The following TACC2 variants were observed in gnomAD, a reference collection of about 807,000 sequenced individuals.
TACC2 encodes the protein transforming acidic coiled-coil containing protein 2.
In TACC2, 137 loss-of-function variants were observed where a neutral mutation model predicts 227.3. The observed-to-expected ratio is 0.60, with a 90% confidence interval of 0.52 to 0.69. The LOEUF (loss-of-function observed/expected upper bound fraction) is 0.69, where lower values mean the gene tolerates loss of function less well. Ranked by LOEUF, TACC2 falls within the 30% of genes least tolerant of loss-of-function variation. The pLI, the probability that TACC2 is intolerant of heterozygous loss-of-function variation, is 0.00. For synonymous variants in TACC2, 1,523 were observed against 1,487.5 expected (o/e 1.02, Z -0.55); for missense variants, 3,470 against 3,694.4 (o/e 0.94, Z 1.57).
chr10:122,112,251 G>A (rs2083741415), intron 5 of TACC2, among the ~76,000 whole-genome samples: 1 of 152,194 alleles, frequency 6.6e-6, no homozygotes, highest in African/African-American at 2.4e-5. Flanking sequence ...AAGGTGATAT[G>A]CCATGGTGTT....
chr10:122,043,827 G>T (rs755505881), intron 2 of TACC2, among the ~76,000 whole-genome samples: 2 of 152,170 alleles, frequency 1.3e-5, no homozygotes, highest in African/African-American at 4.8e-5. Context: ...TGATCTGCCC[G>T]CCTCGGCCTC....
chr10:122,049,132 G>T (rs1193449714), intron 2 of TACC2, among the ~76,000 whole-genome samples: 1 of 152,208 alleles, frequency 6.6e-6, no homozygotes, highest in Non-Finnish European at 1.5e-5. Context: ...TGCACTCTCA[G>T]TTGCTAGTGA....
chr10:122,009,784 G>C (rs1272620765), intron 1 of TACC2, among the ~76,000 whole-genome samples: 1 of 151,920 alleles, frequency 6.6e-6, no homozygotes, highest in African/African-American at 2.4e-5. Flanking sequence ...AAATTAGCTG[G>C]GCATGGGGGT....
At position 122,100,315 on chromosome 10, in the gene TACC2, C is replaced by G. The variant is rs563636682; in HGVS notation, c.5573+11724C>G. On this transcript the variant is annotated intron_variant, in intron 5 of 22. Coordinates refer to ENST00000369005, the MANE Select transcript of TACC2 (RefSeq NM_206862.4). The stretch of plus-strand genomic sequence containing the variant: ...TGCATTCTGCATTTGGGGACTGTGA[C>G]TGAGTCTAAGAGGAAAGCTGTAACT... Among the ~76,000 whole-genome samples the G allele has an allele frequency of 2.0e-5, 3 of 151,880 alleles. No homozygotes were observed. The East Asian group carries it at 5.8e-4, about 30-fold the overall frequency.
chr10:122,198,728 A>G (rs2094669380), intron 8 of TACC2, among the ~76,000 whole-genome samples: 2 of 152,166 alleles, frequency 1.3e-5, no homozygotes, highest in African/African-American at 4.8e-5. Context: ...GCTCCCTTCC[A>G]TTTGGAACCA....
rs576951800 is a variant in TACC2 at position 121,993,882 on chromosome 10, C to G, written c.-46+4394C>G. On this transcript the variant is annotated intron_variant, in intron 1 of 22. Coordinates refer to ENST00000369005, the MANE Select transcript of TACC2 (RefSeq NM_206862.4). ...CTCCTGAGCTCAAGTGATTTGCCCT[C>G]TTTGGCCTCCCCAAGTGCTGAGATT... Among the ~76,000 whole-genome samples, 5 of 152,328 alleles carry G rather than the reference C, an allele frequency of 3.3e-5. No homozygotes were observed. The East Asian group carries it at 9.7e-4, about 29-fold the overall frequency.
At position 122,219,081 on chromosome 10, in the gene TACC2, T is replaced by C. The variant is rs552528163; in HGVS notation, c.7546+2253T>C. On this transcript the variant is annotated intron_variant, in intron 11 of 22. Transcript: ENST00000369005. ...TCCCCTGACCCCAGAGGCCCTACGATCTGGCCTCAGCCTCCTTTGGATCCT... is the reference window on the plus strand; with the variant it reads ...TCCCCTGACCCCAGAGGCCCTACGACCTGGCCTCAGCCTCCTTTGGATCCT... Among the ~76,000 whole-genome samples, 20 of 148,746 alleles carry C rather than the reference T, an allele frequency of 1.3e-4. No homozygotes were observed. In the East Asian group the frequency reaches 3.4e-3, roughly 26 times the overall value.
intron 3 of TACC2, among the ~76,000 whole-genome samples, chr10:122,067,718 C>G (rs947287803): frequency 1.3e-5 from 2 of 152,164 alleles, no homozygotes; most frequent in Non-Finnish European, 2.9e-5. Flanking sequence ...GTTGGCCAGG[C>G]TGGTCTCGAA....
chr10:122,001,487 T>G (rs1156548371), intron 1 of TACC2, among the ~76,000 whole-genome samples: 2 of 152,158 alleles, frequency 1.3e-5, no homozygotes, highest in Admixed American at 1.3e-4. Context: ...CCATGACACA[T>G]GAGAATTATG....
intron 3 of TACC2, among the ~76,000 whole-genome samples, chr10:122,063,340 G>A (rs991269587): frequency 6.6e-6 from 1 of 152,184 alleles, no homozygotes; most frequent in Admixed American, 6.5e-5. Context: ...CGGGCAGAGC[G>A]CAGAGCAGCC....
intron 7 of TACC2, among the ~76,000 whole-genome samples, chr10:122,154,543 C>G (rs986980437): frequency 6.6e-6 from 1 of 152,212 alleles, no homozygotes; most frequent in African/African-American, 2.4e-5. Flanking sequence ...ACAACGATTC[C>G]TTAAGCTCAG....
chr10:122,093,095 CTCTTT>C (rs1477683599), intron 5 of TACC2, among the ~76,000 whole-genome samples: 1 of 43,450 alleles, frequency 2.3e-5, no homozygotes, highest in Non-Finnish European at 5.9e-5. Flanking sequence ...CTTTGTCTCT[CTCTTT>C]TTTTTTTTTT....
chr10:122,208,162 G>T (rs775688626), intron 8 of TACC2, among the ~76,000 whole-genome samples: 4 of 152,200 alleles, frequency 2.6e-5, no homozygotes, highest in Non-Finnish European at 4.4e-5. Flanking sequence ...CCGTATTTAG[G>T]GCGTCTGCTC....
intron 1 of TACC2, among the ~76,000 whole-genome samples, chr10:122,019,200 C>G (rs931612521): frequency 1.3e-5 from 2 of 152,238 alleles, no homozygotes; most frequent in Middle Eastern, 6.3e-3. Context: ...TATCAGCGAT[C>G]TGGGCAAGCC....
intron 22 of TACC2, among the ~76,000 whole-genome samples, chr10:122,252,453 C>T (rs2096270448): frequency 6.6e-6 from 1 of 151,828 alleles, no homozygotes; most frequent in African/African-American, 2.4e-5. Context: ...CGTTAGCAGC[C>T]CCAGCAGGGG....
chr10:122,236,562 T>C (rs955465010), intron 16 of TACC2, among the ~76,000 whole-genome samples: 13 of 141,700 alleles, frequency 9.2e-5, no homozygotes, highest in Non-Finnish European at 1.5e-4. Flanking sequence ...GAGCATTTTG[T>C]GCAAAGGGAA....
At chr10:122,173,068 C>G (rs1231657076) in intron 7 of TACC2, among the ~76,000 whole-genome samples, 2 of 152,130 alleles carry the variant, frequency 1.3e-5, no homozygotes, top group Non-Finnish European at 2.9e-5. Flanking sequence ...TAGAAAAAAA[C>G]CAATTCAAAC....
intron 7 of TACC2, chr10:122,164,109 G>C: frequency 1.6e-6 from 2 of 1,244,588 alleles, no homozygotes; most frequent in Non-Finnish European, 1.1e-6. Flanking sequence ...CTGGCCTGGG[G>C]TTCTTCGCAG....
At chr10:122,192,269 A>G (rs1435496620) in intron 7 of TACC2, among the ~76,000 whole-genome samples, 1 of 152,188 alleles carries the variant, frequency 6.6e-6, no homozygotes, top group Non-Finnish European at 1.5e-5. Context: ...TCTGCCTTCC[A>G]CACAGGGCGA....
Sources: gnomAD v4.1 joint callset for allele counts (sites outside exome capture counted in the v4.1 genomes callset) on GRCh38, gnomAD v4.1.1 for gene constraint, MANE v1.5 for transcripts, NCBI Gene and HGNC (gene_info 2026-07-23, HGNC 2026-07-21) for gene names.